Variants in OR1J2 observed in about 807,000 individuals in gnomAD.
The protein encoded by OR1J2 is olfactory receptor family 1 subfamily J member 2, also known as olfactory receptor 1J2.
For synonymous variants in OR1J2, 142 were observed against 99.7 expected, an observed-to-expected ratio of 1.42 and a Z score of -2.52; for missense variants, 304 against 246.1, an observed-to-expected ratio of 1.24 and a Z score of -1.57.
the OR1J2 span, among the ~76,000 whole-genome samples, chr9:122,484,587 G>C: frequency 2.0e-5 from 3 of 152,066 alleles, no homozygotes; most frequent in African/African-American, 7.2e-5. Context: ...ATCTAAAGAG[G>C]TTCTTAACAT....
chr9:122,539,175 T>A, the OR1J2 span, among the ~76,000 whole-genome samples: 2 of 152,172 alleles, frequency 1.3e-5, no homozygotes, highest in African/African-American at 2.4e-5. Flanking sequence ...TGTGCAGGTT[T>A]GTTACATATG....
the OR1J2 span, among the ~76,000 whole-genome samples, chr9:122,466,590 A>G: frequency 6.6e-6 from 1 of 152,208 alleles, no homozygotes; most frequent in African/African-American, 2.4e-5. Context: ...ATTACAGCAA[A>G]CTGAGGCTCC....
At chr9:122,568,570 C>G in the OR1J2 span, 1 of 775,292 alleles carries the variant, frequency 1.3e-6, no homozygotes, top group Non-Finnish European at 2.1e-6. Flanking sequence ...GTCTTTGTTT[C>G]TTCTGTTTGG....
At chr9:122,557,140 T>G in the OR1J2 span, among the ~76,000 whole-genome samples, 1 of 152,162 alleles carries the variant, frequency 6.6e-6, no homozygotes, top group African/African-American at 2.4e-5. Flanking sequence ...TTTGGATATT[T>G]TGGATTTTCT....
At chr9:122,487,909 C>A in the OR1J2 span, among the ~76,000 whole-genome samples, 1 of 152,110 alleles carries the variant, frequency 6.6e-6, no homozygotes, top group South Asian at 2.1e-4. Flanking sequence ...ACTTTCACAT[C>A]TATAAGATTT....
the OR1J2 span, among the ~76,000 whole-genome samples, chr9:122,521,273 A>T: frequency 6.6e-6 from 1 of 152,214 alleles, no homozygotes; most frequent in Non-Finnish European, 1.5e-5. Context: ...ACACTCCTGA[A>T]TTATGGTGAC....
the OR1J2 span, among the ~76,000 whole-genome samples, chr9:122,575,301 G>A: frequency 1.3e-5 from 2 of 152,064 alleles, no homozygotes; most frequent in Admixed American, 6.6e-5. Flanking sequence ...GAATTCACCA[G>A]TGAACCCATC....
the OR1J2 span, chr9:122,526,481 T>C: frequency 8.3e-6 from 13 of 1,571,474 alleles, no homozygotes; most frequent in African/African-American, 1.4e-5. Context: ...TTGCAGCTGC[T>C]GCAATGTCCT....
chr9:122,553,079 A>T, the OR1J2 span: 3 of 851,454 alleles, frequency 3.5e-6, no homozygotes, highest in Non-Finnish European at 5.4e-6. Flanking sequence ...ATTGGCAAAG[A>T]CCATTTATTT....
chr9:122,555,436 T>C, the OR1J2 span, among the ~76,000 whole-genome samples: 84,050 of 152,012 alleles, frequency 0.55, 23,860 homozygotes, highest in East Asian at 0.97. Context: ...GCCCTGACCA[T>C]AGCAATCTGC....
At chr9:122,487,259 C>G in the OR1J2 span, among the ~76,000 whole-genome samples, 1,706 of 151,814 alleles carry the variant, frequency 0.011, 15 homozygotes, top group Non-Finnish European at 0.019. Context: ...TTTTTTAAAC[C>G]TTGAAGAATG....
chr9:122,532,055 AATTT>A, the OR1J2 span, among the ~76,000 whole-genome samples: 5 of 85,856 alleles, frequency 5.8e-5, no homozygotes, highest in African/African-American at 2.0e-4. Flanking sequence ...TAGAATAGCA[AATTT>A]GCCAGTCCTG....
the OR1J2 span, chr9:122,578,505 G>A: frequency 6.6e-6 from 1 of 151,096 alleles, no homozygotes; most frequent in East Asian, 1.9e-4. Context: ...GCACATGCAT[G>A]TTTATAGCAC....
the OR1J2 span, chr9:122,519,255 G>A: frequency 3.1e-6 from 5 of 1,613,990 alleles, no homozygotes; most frequent in Non-Finnish European, 4.2e-6. Flanking sequence ...CCTGATCACG[G>A]TGCTGGGGAA....
At chr9:122,481,905 A>G in the OR1J2 span, among the ~76,000 whole-genome samples, 205 of 152,300 alleles carry the variant, frequency 1.3e-3, 1 homozygote, top group Middle Eastern at 3.4e-3. Flanking sequence ...AAACAGTAAA[A>G]CTATTAGAAG....
chr9:122,535,121 A>G, the OR1J2 span, among the ~76,000 whole-genome samples: 1 of 151,908 alleles, frequency 6.6e-6, no homozygotes, highest in Non-Finnish European at 1.5e-5. Flanking sequence ...GAGTAGAGAC[A>G]TGGAGAGAAG....
At chr9:122,517,671 G>A in the OR1J2 span, among the ~76,000 whole-genome samples, 3 of 152,126 alleles carry the variant, frequency 2.0e-5, no homozygotes, top group Non-Finnish European at 1.5e-5. Flanking sequence ...ATTCCTACTG[G>A]CCTTGCAGGA....
the OR1J2 span, among the ~76,000 whole-genome samples, chr9:122,469,166 A>G: frequency 6.6e-6 from 1 of 152,190 alleles, no homozygotes; most frequent in Non-Finnish European, 1.5e-5. Flanking sequence ...CAGGAAAGAC[A>G]ATGTTTATGT....
chr9:122,496,678 A>G, the OR1J2 span, among the ~76,000 whole-genome samples: 1 of 152,112 alleles, frequency 6.6e-6, no homozygotes, highest in African/African-American at 2.4e-5. Flanking sequence ...TAAGATGAAC[A>G]TTGGTTTGGT....
Sources: allele counts gnomAD v4.1 joint callset (sites outside exome capture counted in the v4.1 genomes callset), GRCh38; gene constraint gnomAD v4.1.1; transcripts MANE v1.5; gene names NCBI Gene and HGNC (gene_info 2026-07-23, HGNC 2026-07-21).